VDAC1: variants seen among roughly 807,000 people sequenced by gnomAD.
The protein encoded by VDAC1 is non-selective voltage-gated ion channel VDAC1.
A neutral mutation model predicts 34.7 loss-of-function variants in VDAC1; 10 were observed. That is an observed-to-expected ratio of 0.29 (90% CI 0.18 to 0.49). VDAC1 has a LOEUF of 0.49. Ranked by LOEUF, VDAC1 falls within the 20% of genes least tolerant of loss-of-function variation. The probability of loss-of-function intolerance (pLI) is 0.99; values close to 1 mark genes in which losing one functional copy is unlikely to be tolerated. For synonymous variants in VDAC1, 130 were observed against 136.0 expected (o/e 0.96, Z 0.30); for missense variants, 230 against 347.9 (o/e 0.66, Z 2.69).
the VDAC1 span, among the ~76,000 whole-genome samples, chr5:134,052,792 C>T: frequency 6.6e-6 from 1 of 152,146 alleles, no homozygotes; most frequent in African/African-American, 2.4e-5. Flanking sequence ...TGGGGAGCTA[C>T]TGTTGCTCCC....
chr5:134,025,554 G>A, the VDAC1 span, among the ~76,000 whole-genome samples: 1 of 151,982 alleles, frequency 6.6e-6, no homozygotes, highest in African/African-American at 2.4e-5. Context: ...GTAGGATTCA[G>A]TGATGGAGGT....
intron 6 of VDAC1, among the ~76,000 whole-genome samples, chr5:133,976,926 C>G (rs1158744152): frequency 6.6e-6 from 1 of 152,128 alleles, no homozygotes; most frequent in African/African-American, 2.4e-5. Flanking sequence ...TGCCTGTAAT[C>G]CCAGCAACCT....
the VDAC1 span, among the ~76,000 whole-genome samples, chr5:134,025,445 G>A: frequency 6.6e-6 from 1 of 152,272 alleles, no homozygotes; most frequent in East Asian, 1.9e-4. Context: ...ATTCGGAAGG[G>A]ACAAATATCT....
At chr5:134,051,744 G>T in the VDAC1 span, among the ~76,000 whole-genome samples, 2 of 150,024 alleles carry the variant, frequency 1.3e-5, no homozygotes, top group African/African-American at 4.9e-5. Flanking sequence ...TGTTGCTTCA[G>T]CTGGAGTGCA....
At chr5:134,095,596 G>A in the VDAC1 span, among the ~76,000 whole-genome samples, 2 of 152,130 alleles carry the variant, frequency 1.3e-5, no homozygotes, top group African/African-American at 4.8e-5. Flanking sequence ...TCACAAGACT[G>A]GGGTTTATTG....
At chr5:134,082,976 A>G in the VDAC1 span, among the ~76,000 whole-genome samples, 1 of 152,184 alleles carries the variant, frequency 6.6e-6, no homozygotes, top group Admixed American at 6.5e-5. Context: ...GCATCTTACA[A>G]TTGATGGCTT....
Position 133,980,780 on chromosome 5 carries a change from C to T in VDAC1, c.500G>A (p.Ser167Asn). Residue 167 changes from serine to asparagine, a missense_variant, in exon 6 of 9, where the codon AGC becomes AAC. Ser to Asn is a conservative substitution (Grantham distance 46). Coordinates refer to ENST00000265333, the MANE Select transcript of VDAC1 (RefSeq NM_003374.3). ...AGTCTTGTAGCCAACTGCAAAGTTG[C>T]TCTGGGTCACTCGGGATTTTGCAGT... is the stretch of plus-strand genomic sequence containing the variant. ...FETAKSRVTQSNFAVGYKTDE... is the reference protein window; with the variant it reads ...FETAKSRVTQNNFAVGYKTDE... 7.3e-7 allele frequency: 1 copy of T among 1,364,216 alleles called. No individual in the cohort carries two copies. The highest frequency in any genetic ancestry group is 9.7e-7 in the Non-Finnish European group (1 of 1,028,654). The allele number at this position is 1,364,216 out of a possible 1,614,324, so 84.5% of individuals were successfully genotyped here. A position where few individuals can be genotyped will look rare whatever the true frequency, so the allele number is the denominator to read the frequency against.
chr5:133,993,389 C>T (rs2126982832), intron 1 of VDAC1, among the ~76,000 whole-genome samples: 1 of 152,264 alleles, frequency 6.6e-6, no homozygotes, highest in East Asian at 1.9e-4. Context: ...AGGACTGTTG[C>T]CAATAAAACA....
the VDAC1 span, among the ~76,000 whole-genome samples, chr5:134,034,746 G>A: frequency 0.063 from 9,652 of 152,014 alleles, 325 homozygotes; most frequent in East Asian, 0.1. Context: ...TAAACATGGC[G>A]GACAGTGAGA....
At chr5:133,974,422 G>A (rs1403908346) in intron 7 of VDAC1, among the ~76,000 whole-genome samples, 1 of 152,190 alleles carries the variant, frequency 6.6e-6, no homozygotes, top group Non-Finnish European at 1.5e-5. Context: ...TTCTTAATAT[G>A]CAATGCAGGA....
At chr5:134,044,999 C>T in the VDAC1 span, among the ~76,000 whole-genome samples, 1 of 152,170 alleles carries the variant, frequency 6.6e-6, no homozygotes, top group Admixed American at 6.5e-5. Flanking sequence ...GTAGCTGGTT[C>T]CAAGACAATG....
chr5:133,997,281 T>G (rs1048576593), intron 1 of VDAC1, among the ~76,000 whole-genome samples: 1 of 152,166 alleles, frequency 6.6e-6, no homozygotes, highest in Non-Finnish European at 1.5e-5. Context: ...GATGTGTATA[T>G]GAGGATGCTC....
At chr5:134,068,490 AAAC>A in the VDAC1 span, among the ~76,000 whole-genome samples, 1 of 152,206 alleles carries the variant, frequency 6.6e-6, no homozygotes, top group Non-Finnish European at 1.5e-5. Flanking sequence ...AATTTGGGGA[AAAC>A]AATTATTTTC....
the VDAC1 span, among the ~76,000 whole-genome samples, chr5:134,018,309 CAG>C: frequency 6.6e-6 from 1 of 152,192 alleles, no homozygotes; most frequent in Admixed American, 6.5e-5. Context: ...CATGAACTAA[CAG>C]AGCATGAACT....
At chr5:133,985,630 A>G (rs1752879874) in intron 5 of VDAC1, among the ~76,000 whole-genome samples, 1 of 152,162 alleles carries the variant, frequency 6.6e-6, no homozygotes, top group African/African-American at 2.4e-5. Context: ...CTCCAGCCTG[A>G]GCGACAGAGC....
intron 5 of VDAC1, 187 bp from the exon 6 acceptor site, chr5:133,981,143 T>G (rs1752681614): frequency 1.7e-6 from 1 of 591,502 alleles, no homozygotes; most frequent in African/African-American, 1.9e-5. Context: ...CCACAGGGAC[T>G]CAGTCTGCAG....
chr5:134,073,035 G>A, the VDAC1 span, among the ~76,000 whole-genome samples: 14 of 152,296 alleles, frequency 9.2e-5, no homozygotes, highest in Admixed American at 3.9e-4. Flanking sequence ...GAAAAGGACA[G>A]TCCTGCAGGC....
the VDAC1 span, among the ~76,000 whole-genome samples, chr5:134,027,800 C>T: frequency 1.5e-5 from 2 of 131,512 alleles, no homozygotes; most frequent in South Asian, 2.4e-4. Flanking sequence ...GATGGAGTCT[C>T]GCTCTTGTCA....
intron 5 of VDAC1, among the ~76,000 whole-genome samples, chr5:133,982,081 G>A (rs1029800174): frequency 6.6e-6 from 1 of 152,204 alleles, no homozygotes; most frequent in Non-Finnish European, 1.5e-5. Context: ...AAGACTACTG[G>A]GGTGGAGGCA....
Sources: gnomAD v4.1 joint callset for allele counts (sites outside exome capture counted in the v4.1 genomes callset) on GRCh38, gnomAD v4.1.1 for gene constraint, MANE v1.5 for transcripts, NCBI Gene and HGNC (gene_info 2026-07-23, HGNC 2026-07-21) for gene names.